Variants in ARHGAP6 observed in about 807,000 individuals in gnomAD.
ARHGAP6 encodes rho GTPase-activating protein 6.
A neutral mutation model predicts 55.7 loss-of-function variants in ARHGAP6; 16 were observed. The observed-to-expected ratio is 0.29, with a 90% CI of 0.19 to 0.44. The LOEUF (loss-of-function observed/expected upper bound fraction) is 0.44, where lower values mean the gene tolerates loss of function less well. ARHGAP6 is among the 20% of genes least tolerant of loss of function. ARHGAP6 has a pLI of 1.00. For synonymous variants in ARHGAP6, 382 were observed against 360.9 expected, an observed-to-expected ratio of 1.06 and a Z score of -0.66; for missense variants, 698 against 808.9, an observed-to-expected ratio of 0.86 and a Z score of 1.66.
At chrX:11,443,724 C>A (rs1447113984) in intron 1 of ARHGAP6, among the ~76,000 whole-genome samples, 1 of 111,694 alleles carries the variant, frequency 9.0e-6, no homozygotes, top group Non-Finnish European at 1.9e-5. Flanking sequence ...GTCAGGAGAT[C>A]GAGACCATCC....
In ARHGAP6 at chrX:11,531,280, C is replaced by T. The variant is rs186185713; in HGVS notation, c.588+132961G>A. Among the ~76,000 whole-genome samples the T allele has an allele frequency of 7.2e-5, 8 of 111,471 alleles. 1 individual carries two copies. In the East Asian group the frequency reaches 2.0e-3, roughly 27 times the overall value. On this transcript the variant is annotated intron_variant, in intron 1 of 12. Coordinates refer to ENST00000337414, the MANE Select transcript of ARHGAP6 (RefSeq NM_013427.3). The stretch of plus-strand genomic sequence containing the variant: ...GATGTTTGACTCTTAGTTTAATGCC[C>T]TTCGTATATATTGAGCTTCCAATTA...
chrX:11,519,860 G>A (rs1289054093), intron 1 of ARHGAP6, among the ~76,000 whole-genome samples: 4 of 104,028 alleles, frequency 3.8e-5, no homozygotes, highest in Non-Finnish European at 5.9e-5. Flanking sequence ...AGATTTAAAC[G>A]TTAGACCTAA....
intron 2 of ARHGAP6, among the ~76,000 whole-genome samples, chrX:11,227,357 T>C (rs1260664383): frequency 2.7e-5 from 3 of 112,192 alleles, no homozygotes; most frequent in Non-Finnish European, 5.6e-5. Flanking sequence ...GAGTCCATTA[T>C]CCTTCCCATG....
chrX:11,267,000 G>T (rs2047635201), intron 1 of ARHGAP6, among the ~76,000 whole-genome samples: 1 of 111,360 alleles, frequency 9.0e-6, no homozygotes, highest in South Asian at 3.7e-4. Flanking sequence ...AACTTAAACA[G>T]AGATTCAGAG....
chrX:11,233,531 TC>T (rs1332838880), intron 2 of ARHGAP6, among the ~76,000 whole-genome samples: 1 of 111,700 alleles, frequency 9.0e-6, no homozygotes, highest in African/African-American at 3.2e-5. Context: ...GGGCAGACAT[TC>T]CTACCTTTTA....
intron 1 of ARHGAP6, among the ~76,000 whole-genome samples, chrX:11,644,600 G>T (rs951553286): frequency 9.0e-6 from 1 of 110,641 alleles, no homozygotes; most frequent in African/African-American, 3.3e-5. Flanking sequence ...ATCATCAACT[G>T]TTAGGGAAAT....
In ARHGAP6 at chrX:11,219,286, A is replaced by C. The variant is rs1256687651; in HGVS notation, c.749-22290T>G. On this transcript the variant is annotated intron_variant, in intron 2 of 12. Coordinates refer to ENST00000337414, the MANE Select transcript of ARHGAP6 (RefSeq NM_013427.3). ...CCACATTTTCTTAATCCAGTCTATCATTGTTGGACATTTGGGTTGGTTCCA... is the reference window on the plus strand; with the variant it reads ...CCACATTTTCTTAATCCAGTCTATCCTTGTTGGACATTTGGGTTGGTTCCA... Among the ~76,000 whole-genome samples, 17 of 104,069 alleles carry C rather than the reference A, an allele frequency of 1.6e-4. No homozygotes were observed. The Admixed American group carries it at 1.7e-3, about 11-fold the overall frequency. The allele number at this position is 104,069 out of a possible 115,157, so 90.4% of individuals were successfully genotyped here. A position where few individuals can be genotyped will look rare whatever the true frequency, so the allele number is the denominator to read the frequency against.
intron 1 of ARHGAP6, among the ~76,000 whole-genome samples, chrX:11,431,734 G>T (rs959828033): frequency 8.9e-6 from 1 of 112,266 alleles, no homozygotes; most frequent in African/African-American, 3.2e-5. Context: ...CATATAATGT[G>T]CAGCTTAATG....
chrX:11,218,282 A>C (rs1396425555), intron 2 of ARHGAP6, among the ~76,000 whole-genome samples: 3 of 112,071 alleles, frequency 2.7e-5, no homozygotes, highest in African/African-American at 9.7e-5. Context: ...GATAGCATTG[A>C]ATCTGTAAAT....
intron 1 of ARHGAP6, among the ~76,000 whole-genome samples, chrX:11,470,409 C>A (rs1471033721): frequency 1.8e-5 from 2 of 112,096 alleles, no homozygotes; most frequent in Non-Finnish European, 3.8e-5. Context: ...AGAGCCCAAG[C>A]ATTCTTGGCT....
chrX:11,608,956 C>T, intron 1 of ARHGAP6, among the ~76,000 whole-genome samples: 1 of 111,703 alleles, frequency 9.0e-6, no homozygotes, highest in Non-Finnish European at 1.9e-5. Flanking sequence ...GCATGGCTAA[C>T]CACCTATGGG....
At chrX:11,297,770 G>A in intron 1 of ARHGAP6, among the ~76,000 whole-genome samples, 1 of 112,083 alleles carries the variant, frequency 8.9e-6, no homozygotes, top group Admixed American at 9.4e-5. Flanking sequence ...TAGGATGAGG[G>A]ACAGTGTTTG....
At chrX:11,357,014 T>A (rs183048871) in intron 1 of ARHGAP6, among the ~76,000 whole-genome samples, 72 of 111,624 alleles carry the variant, frequency 6.5e-4, no homozygotes, top group African/African-American at 2.0e-3. Context: ...TACCTCCTTG[T>A]TGCTATGTTG....
intron 1 of ARHGAP6, among the ~76,000 whole-genome samples, chrX:11,309,482 C>T (rs1013251738): frequency 9.0e-6 from 1 of 110,502 alleles, no homozygotes; most frequent in Non-Finnish European, 1.9e-5. Context: ...AGTCAGACAC[C>T]CTGGGGAGCT....
At chrX:11,528,890 C>T (rs1368206695) in intron 1 of ARHGAP6, among the ~76,000 whole-genome samples, 2 of 111,730 alleles carry the variant, frequency 1.8e-5, no homozygotes, top group Admixed American at 1.9e-4. Context: ...AGCTTAATGG[C>T]TTATATTACC....
At chrX:11,578,748 C>T (rs2051631089) in intron 1 of ARHGAP6, among the ~76,000 whole-genome samples, 1 of 111,483 alleles carries the variant, frequency 9.0e-6, no homozygotes, top group South Asian at 3.8e-4. Flanking sequence ...TATTGCAGCA[C>T]TATTCACAAT....
chrX:11,157,684 T>C (rs1218743517), intron 9 of ARHGAP6, among the ~76,000 whole-genome samples: 2 of 112,474 alleles, frequency 1.8e-5, no homozygotes, highest in Non-Finnish European at 3.7e-5. Flanking sequence ...TTTTTAAAAC[T>C]GCAGGGTTAA....
intron 1 of ARHGAP6, among the ~76,000 whole-genome samples, chrX:11,652,733 T>G (rs1157387820): frequency 2.7e-5 from 3 of 111,506 alleles, no homozygotes; most frequent in African/African-American, 6.5e-5. Flanking sequence ...ATGGAGAATT[T>G]TTATGTCTAT....
intron 1 of ARHGAP6, among the ~76,000 whole-genome samples, chrX:11,567,539 G>A (rs112806688): frequency 0.19 from 16,677 of 87,523 alleles, 1,995 homozygotes; most frequent in Middle Eastern, 0.32. Flanking sequence ...GGGTGACAGA[G>A]GGAGACTCCA....
Sources: gnomAD v4.1 joint callset for allele counts (sites outside exome capture counted in the v4.1 genomes callset) on GRCh38, gnomAD v4.1.1 for gene constraint, MANE v1.5 for transcripts, NCBI Gene and HGNC (gene_info 2026-07-23, HGNC 2026-07-21) for gene names.